The following KDM4B variants were observed in gnomAD, a reference collection of about 807,000 sequenced individuals.
KDM4B encodes lysine-specific demethylase 4B.
KDM4B carries 32 observed loss-of-function variants against 125.2 expected under a neutral mutation model. The ratio of observed to expected loss-of-function variants is 0.26; its 90% CI spans 0.19 to 0.34. The LOEUF is 0.34. KDM4B is among the 10% of genes least tolerant of loss of function. The pLI is 1.00. For synonymous variants in KDM4B, 721 were observed against 677.9 expected (o/e 1.06, Z -0.99); for missense variants, 1,190 against 1,577.7 (o/e 0.75, Z 4.16).
rs557117314 is a variant in KDM4B, at chr19:5,114,374, C to T, written c.1115+3556C>T. ...CCCCTCCTGCTCTGCCTTGGCCTGT[C>T]GCCCCTGCGCCAGTGCAGGACACCG... On this transcript the variant is annotated intron_variant, in intron 10 of 22. Coordinates refer to ENST00000159111, the MANE Select transcript of KDM4B (RefSeq NM_015015.3). This position sits in a 1 kb window ranked among gnomAD's most constrained non-coding sequence, Gnocchi z 5.8. 3.4e-4 allele frequency: 202 copies of T among 587,524 alleles called. 6 individuals carry two copies. The highest frequency in any genetic ancestry group is 2.2e-3 in the South Asian group (149 of 66,908). 36.4% of individuals were successfully genotyped at this position (587,524 alleles called of 1,614,324 possible). A position where few individuals can be genotyped will look rare whatever the true frequency, so the allele number is the denominator to read the frequency against.
intron 2 of KDM4B, among the ~76,000 whole-genome samples, chr19:5,019,462 A>T (rs62649768): frequency 8.5e-6 from 1 of 118,126 alleles, no homozygotes. Context: ...GTTGGTGTGC[A>T]GGTGTGGGTG....
At chr19:5,026,575 C>A (rs2036285758) in intron 2 of KDM4B, among the ~76,000 whole-genome samples, 2 of 152,170 alleles carry the variant, frequency 1.3e-5, no homozygotes, top group African/African-American at 2.4e-5. Flanking sequence ...AGAACCGAAA[C>A]TCTGCCTGGC....
At chr19:5,042,689 G>A (rs540542512) in intron 5 of KDM4B, among the ~76,000 whole-genome samples, 14 of 151,526 alleles carry the variant, frequency 9.2e-5, no homozygotes, top group Admixed American at 4.6e-4. Context: ...TGAGGGGGGG[G>A]GCGCCGTAGG....
intron 10 of KDM4B, chr19:5,119,354 C>T: frequency 1.5e-6 from 1 of 682,220 alleles, no homozygotes; most frequent in Non-Finnish European, 2.5e-6. Context: ...CGTCATCCCA[C>T]CTGGTGTCAG....
chr19:5,138,226 T>G, intron 18 of KDM4B, 156 bp downstream of exon 18: 2 of 602,378 alleles, frequency 3.3e-6, no homozygotes, highest in African/African-American at 3.7e-5. Flanking sequence ...GATCCCGACT[T>G]CAGCAGGTGT....
In KDM4B at chr19:5,078,658, G is replaced by C. The variant is rs184770304; in HGVS notation, c.780+1188G>C. ...CTTCTCCAAAGTGGTGCTTCCTGGA[G>C]GGGGGTGCCCATCGAAGGGGTGGGC... On this transcript the variant is annotated intron_variant, in intron 8 of 22. Coordinates refer to ENST00000159111, the MANE Select transcript of KDM4B (RefSeq NM_015015.3). The surrounding 1 kb of genome is among the most constrained non-coding windows in gnomAD (Gnocchi z 4.5). The C allele has an allele frequency of 1.4e-3, 208 of 152,462 alleles. No individual in the cohort carries two copies. The highest frequency in any genetic ancestry group is 0.01 in the Middle Eastern group (3 of 298). 9.4% of individuals were successfully genotyped at this position (152,462 alleles called of 1,614,324 possible). A position where few individuals can be genotyped will look rare whatever the true frequency, so the allele number is the denominator to read the frequency against.
chr19:4,969,805 A>C (rs1309605244), intron 1 of KDM4B, among the ~76,000 whole-genome samples: 1 of 144,254 alleles, frequency 6.9e-6, no homozygotes, highest in Non-Finnish European at 1.5e-5. Flanking sequence ...ACCTCCGGTC[A>C]ACCTGCTATG....
chr19:5,015,147 G>A (rs2035854305), intron 1 of KDM4B, among the ~76,000 whole-genome samples: 1 of 152,204 alleles, frequency 6.6e-6, no homozygotes, highest in Non-Finnish European at 1.5e-5. Context: ...CCTGAGCTGA[G>A]AGCCAGCACC....
At chr19:5,084,675 T>C (rs886833210) in intron 9 of KDM4B, among the ~76,000 whole-genome samples, 1 of 149,424 alleles carries the variant, frequency 6.7e-6, no homozygotes, top group Non-Finnish European at 1.5e-5. Context: ...TGGCCGGACA[T>C]GATGGCTTCA....
At chr19:5,107,718 A>G (rs948190033) in intron 9 of KDM4B, among the ~76,000 whole-genome samples, 2 of 152,148 alleles carry the variant, frequency 1.3e-5, no homozygotes, top group African/African-American at 2.4e-5. Flanking sequence ...GGGGCTGGGC[A>G]TGTTCAGCAG....
At chr19:5,003,510 T>C (rs545207851) in intron 1 of KDM4B, among the ~76,000 whole-genome samples, 3 of 149,428 alleles carry the variant, frequency 2.0e-5, no homozygotes, top group Admixed American at 1.3e-4. Flanking sequence ...AACAAACAAA[T>C]AAATAAATCC....
chr19:5,151,177 CAG>C (rs1410398814), intron 22 of KDM4B, among the ~76,000 whole-genome samples, 156 bp from the exon 23 acceptor site: 2 of 152,218 alleles, frequency 1.3e-5, no homozygotes, highest in African/African-American at 2.4e-5. Flanking sequence ...CTGGCAGGAT[CAG>C]GGGTTTACAA....
intron 2 of KDM4B, among the ~76,000 whole-genome samples, chr19:5,029,222 T>A (rs569739359): frequency 6.6e-6 from 1 of 152,374 alleles, no homozygotes; most frequent in South Asian, 2.1e-4. Context: ...CCTTGGCCCA[T>A]TTTTACTGGG....
chr19:4,969,598 T>C (rs754636979), intron 1 of KDM4B, among the ~76,000 whole-genome samples: 25 of 151,828 alleles, frequency 1.6e-4, no homozygotes, highest in Middle Eastern at 3.4e-3. Flanking sequence ...GGCCCTTTTA[T>C]CACCCGGGAC....
intron 8 of KDM4B, chr19:5,077,886 C>G: frequency 1.0e-5 from 2 of 194,108 alleles, no homozygotes; most frequent in South Asian, 2.0e-4. Context: ...CACCCTAAGT[C>G]TCAGGCACCC....
intron 2 of KDM4B, among the ~76,000 whole-genome samples, chr19:5,018,475 A>G (rs1226269318): frequency 6.6e-6 from 1 of 152,216 alleles, no homozygotes; most frequent in East Asian, 1.9e-4. Flanking sequence ...CTGGAGCTGA[A>G]GGAGAGGAGG....
intron 1 of KDM4B, among the ~76,000 whole-genome samples, chr19:5,010,099 C>T (rs76985824): frequency 4.5e-4 from 68 of 152,288 alleles, no homozygotes; most frequent in Middle Eastern, 6.8e-3. Context: ...TCTAGGACCT[C>T]GTCCAGGACC....
Position 5,070,023 on chromosome 19 carries a change from C to T in KDM4B, c.627-987C>T, listed in dbSNP as rs991345438. On this transcript the variant is annotated intron_variant, in intron 6 of 22. Coordinates refer to ENST00000159111, the MANE Select transcript of KDM4B (RefSeq NM_015015.3). ...TCTTGCTTCTGCCCTGGGAGGGTCT[C>T]GGGGAGAGACCATATCATGTGTCCT... Among the ~76,000 whole-genome samples the T allele has an allele frequency of 3.9e-5, 6 of 152,036 alleles. No individual in the cohort carries two copies. In the South Asian group the frequency reaches 6.2e-4, roughly 16 times the overall value.
chr19:5,108,417 A>G (rs1160705946), intron 9 of KDM4B, among the ~76,000 whole-genome samples: 2 of 152,250 alleles, frequency 1.3e-5, no homozygotes, highest in Admixed American at 6.5e-5. Flanking sequence ...ATAGGAATCT[A>G]ACTGTTCCCA....
Sources: gnomAD v4.1 joint callset for allele counts (sites outside exome capture counted in the v4.1 genomes callset) on GRCh38, gnomAD v4.1.1 for gene constraint, Gnocchi (gnomAD v3.1) non-coding constraint, MANE v1.5 for transcripts, NCBI Gene and HGNC (gene_info 2026-07-23, HGNC 2026-07-21) for gene names.